Variants in KIAA1217 observed in about 807,000 individuals in gnomAD.
KIAA1217 encodes sickle tail protein homolog.
KIAA1217 carries 88 observed loss-of-function variants against 163.9 expected under a neutral mutation model. That is an observed-to-expected ratio of 0.54 (90% CI 0.45 to 0.64). The LOEUF is 0.64. KIAA1217 is among the 30% of genes least tolerant of loss of function. The probability of loss-of-function intolerance (pLI) is 0.00; values close to 1 mark genes in which losing one functional copy is unlikely to be tolerated. For missense variants in KIAA1217, 2,372 were observed against 2,475.0 expected (o/e 0.96, Z 0.88); for synonymous variants, 903 against 923.1 (o/e 0.98, Z 0.39).
chr10:23,829,000 C>G (rs1475703033), intron 1 of KIAA1217, among the ~76,000 whole-genome samples: 1 of 152,148 alleles, frequency 6.6e-6, no homozygotes, highest in East Asian at 1.9e-4. Flanking sequence ...AGATATTACC[C>G]TCTTACTTCT....
At chr10:23,766,804 G>C (rs779613368) in intron 1 of KIAA1217, among the ~76,000 whole-genome samples, 19 of 152,022 alleles carry the variant, frequency 1.2e-4, no homozygotes, top group Non-Finnish European at 1.9e-4. Flanking sequence ...GGCCAGACGG[G>C]TCATCTCGAA....
At chr10:24,236,939 A>G (rs924831121) in intron 2 of KIAA1217, among the ~76,000 whole-genome samples, 3 of 152,242 alleles carry the variant, frequency 2.0e-5, no homozygotes, top group African/African-American at 7.2e-5. Context: ...GGCATGAGCC[A>G]CTGCTCCTGG....
At chr10:24,156,306 C>A (rs958102651) in intron 2 of KIAA1217, among the ~76,000 whole-genome samples, 11 of 152,028 alleles carry the variant, frequency 7.2e-5, no homozygotes, top group Admixed American at 7.2e-4. Flanking sequence ...TAATTCATTT[C>A]TTTTTACTGT....
At chr10:23,758,947 CTATTTA>C (rs1186553595) in intron 1 of KIAA1217, among the ~76,000 whole-genome samples, 2 of 151,736 alleles carry the variant, frequency 1.3e-5, no homozygotes, top group African/African-American at 4.8e-5. Context: ...GTGGGTTTTT[CTATTTA>C]TATTAAAAAA....
chr10:24,062,885 GC>G (rs1173926659), intron 2 of KIAA1217, among the ~76,000 whole-genome samples: 2 of 150,932 alleles, frequency 1.3e-5, no homozygotes, highest in Admixed American at 1.3e-4. Context: ...TTCTGTGATG[GC>G]CAGTGATGAT....
At chr10:23,955,455 C>A (rs886249529) in intron 1 of KIAA1217, among the ~76,000 whole-genome samples, 3 of 152,182 alleles carry the variant, frequency 2.0e-5, no homozygotes, top group Non-Finnish European at 4.4e-5. Flanking sequence ...TGCTTCGCTC[C>A]TTTTATCCAT....
Position 24,157,521 on chromosome 10 carries a change from G to A in KIAA1217, c.-170-62105G>A, listed in dbSNP as rs531423974. ...GATGAAGTCAATTTGTTCTTTTATG[G>A]ATTTTGGTTTTGGCATCATATCTAG... On this transcript the variant is annotated intron_variant, in intron 2 of 18. Transcript: ENST00000376462. Among the ~76,000 whole-genome samples the A allele has an allele frequency of 3.9e-5, 6 of 152,236 alleles. No homozygotes were observed. The South Asian group carries it at 8.3e-4, about 21-fold the overall frequency.
At chr10:24,504,415 A>G (rs1270939623) in intron 9 of KIAA1217, among the ~76,000 whole-genome samples, 14 of 152,164 alleles carry the variant, frequency 9.2e-5, no homozygotes, top group Non-Finnish European at 2.9e-5. Context: ...CCTGGGTCCC[A>G]TTCAGCTTTC....
At chr10:23,935,740 A>G (rs1843500054) in intron 1 of KIAA1217, among the ~76,000 whole-genome samples, 1 of 152,236 alleles carries the variant, frequency 6.6e-6, no homozygotes, top group Admixed American at 6.5e-5. Flanking sequence ...ACCTGCATAT[A>G]TTTAAGAAGC....
chr10:23,992,061 G>A (rs754464756), intron 1 of KIAA1217, among the ~76,000 whole-genome samples: 3 of 151,990 alleles, frequency 2.0e-5, no homozygotes, highest in Non-Finnish European at 2.9e-5. Flanking sequence ...TCATTTTATG[G>A]GCTCTCTTCT....
At position 24,092,928 on chromosome 10, in the gene KIAA1217, T is replaced by TGTTG. The variant is rs548350322; in HGVS notation, c.-171+85554_-171+85555insGTTG. On this transcript the variant is annotated intron_variant, in intron 2 of 18. Coordinates refer to the KIAA1217 transcript ENST00000376462. ...TAGTGTGTGTGTGTGTGTGTGTGTGTTGTGTGTGTGTGTGTGTGTGTGTGT... is the reference window on the plus strand; with the variant it reads ...TAGTGTGTGTGTGTGTGTGTGTGTGTGTTGTGTGTGTGTGTGTGTGTGTGTGTGT... Among the ~76,000 whole-genome samples, 609 of 141,064 alleles carry TGTTG rather than the reference T, an allele frequency of 4.3e-3. 24 individuals are homozygous for TGTTG. The highest frequency in any genetic ancestry group is 0.015 in the African/African-American group (540 of 36,524). 92.5% of individuals were successfully genotyped at this position (141,064 alleles called of 152,430 possible).
chr10:24,177,344 A>G (rs1378704552), intron 2 of KIAA1217, among the ~76,000 whole-genome samples: 4 of 122,414 alleles, frequency 3.3e-5, no homozygotes, highest in African/African-American at 1.3e-4. Flanking sequence ...TGTATCTTAT[A>G]TATCTTTATC....
intron 1 of KIAA1217, among the ~76,000 whole-genome samples, chr10:23,910,091 T>C (rs1345089903): frequency 6.6e-6 from 1 of 151,554 alleles, no homozygotes; most frequent in African/African-American, 2.4e-5. Flanking sequence ...TAAGTGGGAG[T>C]TGAACAATGA....
At chr10:24,038,848 C>G (rs1303654764) in intron 2 of KIAA1217, among the ~76,000 whole-genome samples, 1 of 150,434 alleles carries the variant, frequency 6.6e-6, no homozygotes, top group Non-Finnish European at 1.5e-5. Flanking sequence ...GCCTCCAGGG[C>G]TCAGGTGATC....
At chr10:24,070,336 C>G (rs1327861111) in intron 2 of KIAA1217, among the ~76,000 whole-genome samples, 2 of 151,212 alleles carry the variant, frequency 1.3e-5, no homozygotes, top group African/African-American at 4.9e-5. Flanking sequence ...TCCATCAATT[C>G]CCAAACAAAA....
intron 6 of KIAA1217, among the ~76,000 whole-genome samples, chr10:24,487,561 T>C (rs1160166317): frequency 1.3e-5 from 2 of 152,272 alleles, no homozygotes; most frequent in Middle Eastern, 3.2e-3. Flanking sequence ...GTTTTCATTC[T>C]GTCAACACCT....
intron 2 of KIAA1217, among the ~76,000 whole-genome samples, chr10:24,082,008 G>A (rs7097422): frequency 0.21 from 31,643 of 152,130 alleles, 6,041 homozygotes; most frequent in African/African-American, 0.51. Flanking sequence ...CTGCTAACCA[G>A]TTAAGATGGG....
At chr10:24,446,321 A>T in intron 5 of KIAA1217, among the ~76,000 whole-genome samples, 1 of 152,106 alleles carries the variant, frequency 6.6e-6, no homozygotes, top group South Asian at 2.1e-4. Flanking sequence ...TTCATTATAC[A>T]TCTCTTTCAT....
At chr10:24,215,774 A>G (rs1262667274) in intron 1 of KIAA1217, among the ~76,000 whole-genome samples, 1 of 152,200 alleles carries the variant, frequency 6.6e-6, no homozygotes, top group Non-Finnish European at 1.5e-5. Flanking sequence ...CTTTGTGTGG[A>G]AAGTGGCGTT....
Sources: allele counts gnomAD v4.1 joint callset (sites outside exome capture counted in the v4.1 genomes callset), GRCh38; gene constraint gnomAD v4.1.1; transcripts MANE v1.5; gene names NCBI Gene and HGNC (gene_info 2026-07-23, HGNC 2026-07-21).